CCDC178: variants seen among roughly 807,000 people sequenced by gnomAD.
CCDC178 encodes coiled-coil domain containing 178.
CCDC178 carries 126 observed loss-of-function variants against 117.4 expected under a neutral mutation model. The observed-to-expected ratio is 1.07, with a 90% CI of 0.93 to 1.24. The LOEUF (loss-of-function observed/expected upper bound fraction) is 1.24, where lower values mean the gene tolerates loss of function less well. CCDC178 is among the 50% of genes most tolerant of loss of function. The probability of loss-of-function intolerance (pLI) is 0.00; values close to 1 mark genes in which losing one functional copy is unlikely to be tolerated. For missense variants in CCDC178, 1,030 were observed against 986.9 expected (o/e 1.04, Z -0.59); for synonymous variants, 283 against 313.4 (o/e 0.90, Z 1.02).
chr18:33,014,928 T>C (rs539019245), intron 21 of CCDC178, among the ~76,000 whole-genome samples: 30 of 152,084 alleles, frequency 2.0e-4, no homozygotes, highest in Middle Eastern at 3.2e-3. Context: ...TGTCTAGTTT[T>C]GAGCAACAAT....
chr18:33,308,029 G>T (rs745766116), intron 11 of CCDC178, among the ~76,000 whole-genome samples: 4 of 152,210 alleles, frequency 2.6e-5, no homozygotes, highest in African/African-American at 9.6e-5. Flanking sequence ...AGCTCCCACA[G>T]GGTTGCCACT....
chr18:33,095,205 A>C (rs2057524644), intron 20 of CCDC178, among the ~76,000 whole-genome samples: 1 of 151,928 alleles, frequency 6.6e-6, no homozygotes, highest in Admixed American at 6.6e-5. Context: ...TACATATAAC[A>C]CTTTCTCAAA....
intron 12 of CCDC178, among the ~76,000 whole-genome samples, chr18:33,270,139 A>G (rs1220477515): frequency 6.6e-6 from 1 of 151,730 alleles, no homozygotes; most frequent in Non-Finnish European, 1.5e-5. Flanking sequence ...AGTAGGCAGA[A>G]GAAAGAATCA....
chr18:33,227,045 C>T (rs2059311597), intron 15 of CCDC178, among the ~76,000 whole-genome samples, 190 bp from the exon 16 acceptor site: 1 of 151,764 alleles, frequency 6.6e-6, no homozygotes, highest in Non-Finnish European at 1.5e-5. Flanking sequence ...GGTACAGCAC[C>T]AGGAATTAGA....
rs536754442 is a variant in CCDC178 at position 32,996,325 on chromosome 18, C to A, written c.2389-21644G>T. ...AACCTGATTTTGGTATTATTAATAT[C>A]CCTACATTATATACAAAGACTTTAT... On this transcript the variant is annotated intron_variant, in intron 21 of 22. Transcript: ENST00000383096. Among the ~76,000 whole-genome samples, 4 of 151,878 alleles carry A rather than the reference C, an allele frequency of 2.6e-5. No individual in the cohort carries two copies. In the South Asian group the frequency reaches 8.3e-4, roughly 32 times the overall value.
At chr18:33,244,451 G>GAT (rs2059523376) in intron 15 of CCDC178, among the ~76,000 whole-genome samples, 1 of 151,820 alleles carries the variant, frequency 6.6e-6, no homozygotes, top group African/African-American at 2.4e-5. Context: ...ACCAGGTGGA[G>GAT]ATAATTGAAT....
chr18:33,284,265 G>A (rs935127032), intron 12 of CCDC178, among the ~76,000 whole-genome samples: 1 of 152,006 alleles, frequency 6.6e-6, no homozygotes, highest in African/African-American at 2.4e-5. Flanking sequence ...AGGGTGGAGA[G>A]TGGGAGGAGG....
intron 21 of CCDC178, among the ~76,000 whole-genome samples, chr18:33,080,094 C>T (rs1486488770): frequency 6.6e-6 from 1 of 152,134 alleles, no homozygotes; most frequent in Non-Finnish European, 1.5e-5. Context: ...ACTATGCAGC[C>T]ATAAAAAGAA....
At chr18:33,252,616 A>T (rs1242175822) in intron 14 of CCDC178, among the ~76,000 whole-genome samples, 6 of 151,800 alleles carry the variant, frequency 4.0e-5, no homozygotes, top group Admixed American at 2.6e-4. Context: ...GGTATGAAAA[A>T]CACAGCACCC....
At chr18:33,264,960 TTCC>T (rs1472199308) in intron 14 of CCDC178, among the ~76,000 whole-genome samples, 1 of 152,218 alleles carries the variant, frequency 6.6e-6, no homozygotes, top group East Asian at 1.9e-4. Context: ...CACTCTCCCT[TTCC>T]TCAAGATGAG....
intron 18 of CCDC178, among the ~76,000 whole-genome samples, chr18:33,217,240 G>A (rs145203849): frequency 2.0e-5 from 3 of 151,962 alleles, no homozygotes; most frequent in Non-Finnish European, 4.4e-5. Flanking sequence ...TATTTGTAGA[G>A]AGACTCATAA....
chr18:33,324,011 G>C (rs1271417967), intron 10 of CCDC178, among the ~76,000 whole-genome samples: 1 of 151,734 alleles, frequency 6.6e-6, no homozygotes, highest in Non-Finnish European at 1.5e-5. Context: ...TCTTAGGTTG[G>C]TGCAAAAGTA....
At chr18:33,360,552 A>G (rs1196703376) in intron 6 of CCDC178, among the ~76,000 whole-genome samples, 3 of 151,600 alleles carry the variant, frequency 2.0e-5, no homozygotes, top group African/African-American at 7.2e-5. Flanking sequence ...ATCAAAATTG[A>G]AAATGAAAAA....
intron 21 of CCDC178, among the ~76,000 whole-genome samples, chr18:33,003,434 C>T (rs1471030602): frequency 6.6e-6 from 1 of 152,010 alleles, no homozygotes; most frequent in Non-Finnish European, 1.5e-5. Flanking sequence ...AGGATGAAAA[C>T]CACATGATCA....
At chr18:33,186,994 G>T (rs1408262461) in intron 20 of CCDC178, among the ~76,000 whole-genome samples, 1 of 150,302 alleles carries the variant, frequency 6.7e-6, no homozygotes, top group Non-Finnish European at 1.5e-5. Flanking sequence ...AAAGGTAAGC[G>T]GTTTAATTGA....
intron 2 of CCDC178, among the ~76,000 whole-genome samples, chr18:33,420,056 A>G (rs1350024192): frequency 6.6e-6 from 1 of 152,208 alleles, no homozygotes; most frequent in Non-Finnish European, 1.5e-5. Context: ...ATGCCCATCA[A>G]TAGTAGACTG....
intron 12 of CCDC178, among the ~76,000 whole-genome samples, chr18:33,272,716 T>A (rs548865084): frequency 6.6e-6 from 1 of 151,668 alleles, no homozygotes; most frequent in East Asian, 1.9e-4. Flanking sequence ...GAGATCTATC[T>A]AGAAATGCAA....
intron 12 of CCDC178, among the ~76,000 whole-genome samples, chr18:33,285,846 C>T (rs2060092477): frequency 6.6e-6 from 1 of 151,946 alleles, no homozygotes; most frequent in African/African-American, 2.4e-5. Context: ...TAACATTAAG[C>T]ACTTCTTTAA....
chr18:32,948,917 C>T (rs2054414135), intron 22 of CCDC178, among the ~76,000 whole-genome samples: 1 of 151,996 alleles, frequency 6.6e-6, no homozygotes, highest in South Asian at 2.1e-4. Context: ...CTTCATTTAA[C>T]GTTTCTTGTA....
Sources: gnomAD v4.1 joint callset for allele counts (sites outside exome capture counted in the v4.1 genomes callset) on GRCh38, gnomAD v4.1.1 for gene constraint, MANE v1.5 for transcripts, NCBI Gene and HGNC (gene_info 2026-07-23, HGNC 2026-07-21) for gene names.